Variants in SYNE1 observed in about 807,000 individuals in gnomAD.
SYNE1 encodes spectrin repeat containing nuclear envelope protein 1.
A neutral mutation model predicts 1,111.0 loss-of-function variants in SYNE1; 616 were observed. The ratio of observed to expected loss-of-function variants is 0.55; its 90% confidence interval spans 0.52 to 0.59. SYNE1 has a LOEUF of 0.59. SYNE1 is among the 20% of genes least tolerant of loss of function. SYNE1 has a pLI of 0.00. For missense variants in SYNE1, 10,006 were observed against 10,417.0 expected (o/e 0.96, Z 1.72); for synonymous variants, 3,855 against 3,825.8 (o/e 1.01, Z -0.28).
intron 10 of SYNE1, among the ~76,000 whole-genome samples, chr6:152,499,074 T>A (rs1234107916): frequency 1.3e-5 from 2 of 152,094 alleles, no homozygotes; most frequent in African/African-American, 4.8e-5. Context: ...ACATTAAATA[T>A]TTTAGAAGGT....
intron 73 of SYNE1, 88 bp downstream of exon 73, chr6:152,346,971 G>T: frequency 6.7e-7 from 1 of 1,484,036 alleles, no homozygotes; most frequent in Non-Finnish European, 9.2e-7. Flanking sequence ...AAAGATTTGA[G>T]CATCGATTCT....
chr6:152,166,749 T>C (rs1368335035), intron 130 of SYNE1, among the ~76,000 whole-genome samples: 1 of 152,218 alleles, frequency 6.6e-6, no homozygotes, highest in Non-Finnish European at 1.5e-5. Flanking sequence ...GCAGTTCTTT[T>C]TCATTTTTTT....
At chr6:152,488,372 T>C in intron 12 of SYNE1, 24 bp downstream of exon 12, 1 of 1,358,514 alleles carries the variant, frequency 7.4e-7, no homozygotes, top group Non-Finnish European at 1.0e-6. Flanking sequence ...TTTGAAAAAT[T>C]CAAAAATCTT....
chr6:152,614,317 G>A (rs918617923), intron 3 of SYNE1, among the ~76,000 whole-genome samples: 2 of 152,164 alleles, frequency 1.3e-5, no homozygotes, highest in African/African-American at 4.8e-5. Context: ...CAAAAAGTGG[G>A]CAAAGGATAT....
At chr6:152,127,497 G>C (rs548594282) in intron 145 of SYNE1, 1 of 152,200 alleles carries the variant, frequency 6.6e-6, no homozygotes, top group African/African-American at 2.4e-5. Flanking sequence ...ATACCCTTAG[G>C]GGTTGGCTGG....
At chr6:152,469,258 C>T (rs531412943) in intron 16 of SYNE1, among the ~76,000 whole-genome samples, 2 of 152,242 alleles carry the variant, frequency 1.3e-5, no homozygotes, top group East Asian at 3.9e-4. Flanking sequence ...GAGGTGTTAA[C>T]ATAGAATAAA....
intron 3 of SYNE1, among the ~76,000 whole-genome samples, chr6:152,612,549 C>T (rs1218053055): frequency 6.6e-6 from 1 of 152,148 alleles, no homozygotes. Flanking sequence ...AATGGATTCG[C>T]AGCTGAATTC....
chr6:152,440,529 A>T (rs950301421), intron 32 of SYNE1, among the ~76,000 whole-genome samples: 1 of 149,496 alleles, frequency 6.7e-6, no homozygotes, highest in Non-Finnish European at 1.5e-5. Flanking sequence ...AGTTTTACTG[A>T]CCTTTAAGGT....
At chr6:152,199,391 G>T (rs2074931527) in intron 127 of SYNE1, among the ~76,000 whole-genome samples, 1 of 152,098 alleles carries the variant, frequency 6.6e-6, no homozygotes, top group African/African-American at 2.4e-5. Context: ...TAATGTAATA[G>T]CTGAGAAGAT....
At position 152,255,623 on chromosome 6, in the gene SYNE1, C is replaced by T. The variant is rs143554730; in HGVS notation, c.19228G>A (p.Glu6410Lys). 5.3e-5 allele frequency: 85 copies of T among 1,614,082 alleles called. No individual in the cohort carries two copies. The highest frequency in any genetic ancestry group is 6.9e-5 in the Non-Finnish European group (81 of 1,180,054). The change falls in exon 103 of 146, where the codon GAA (glutamate) becomes AAA (lysine). Residue 6410 changes from glutamate to lysine, a missense_variant. Around this residue, in one of 7 missense-constraint regions of SYNE1, gnomAD observed 2,182 missense variants for 2,287.8 expected, o/e 0.95. Transcript: ENST00000367255. ...RLFVATALLP[E>K]ETETCLFNQE... is the part of the protein sequence containing the mutation. ...TTGAAGAGACAAGTCTCTGTTTCTT[C>T]TGGTAAAAGTGCTGTGGCAACAAAT... is the stretch of plus-strand genomic sequence containing the variant.
chr6:152,595,046 TCTC>T (rs1171048258), intron 3 of SYNE1, among the ~76,000 whole-genome samples: 1 of 152,180 alleles, frequency 6.6e-6, no homozygotes, highest in Non-Finnish European at 1.5e-5. Flanking sequence ...GCCATCCTCT[TCTC>T]CTGTTTTTGG....
At chr6:152,458,345 G>T (rs931343729) in intron 22 of SYNE1, among the ~76,000 whole-genome samples, 3 of 152,134 alleles carry the variant, frequency 2.0e-5, no homozygotes, top group Admixed American at 2.0e-4. Flanking sequence ...CTGTAGTTGG[G>T]GCTCAGGATG....
chr6:152,438,331 G>GA (rs1336316538), intron 32 of SYNE1, among the ~76,000 whole-genome samples: 1 of 152,090 alleles, frequency 6.6e-6, no homozygotes, highest in Non-Finnish European at 1.5e-5. Flanking sequence ...GAAAAACATG[G>GA]AAAAAGTAAT....
At chr6:152,363,098 G>T (rs1167433673) in intron 63 of SYNE1, among the ~76,000 whole-genome samples, 1 of 151,314 alleles carries the variant, frequency 6.6e-6, no homozygotes, top group African/African-American at 2.4e-5. Flanking sequence ...AGCCAGGATG[G>T]TCTTGATCTC....
In SYNE1 at chr6:152,256,577, A is replaced by G. The variant is rs1432310573; in HGVS notation, c.19104+57T>C. ...TCTCACAGAGGCCAGGCAAATCAATACAAGCAAAACAAGACTCTTATAAAC... is the reference window on the plus strand; with the variant it reads ...TCTCACAGAGGCCAGGCAAATCAATGCAAGCAAAACAAGACTCTTATAAAC... On this transcript the variant is annotated intron_variant, in intron 102 of 145. Transcript: ENST00000367255. 3.7e-6 allele frequency: 6 copies of G among 1,608,942 alleles called. No individual in the cohort carries two copies. In the African/African-American group the frequency reaches 6.7e-5, roughly 18 times the overall value.
At chr6:152,210,112 T>A (rs747180016) in intron 124 of SYNE1, among the ~76,000 whole-genome samples, 2 of 152,224 alleles carry the variant, frequency 1.3e-5, no homozygotes, top group African/African-American at 2.4e-5. Flanking sequence ...ACGTAACTCA[T>A]AAATTAACTT....
chr6:152,470,392 C>T (rs567741919), intron 16 of SYNE1, among the ~76,000 whole-genome samples: 3 of 152,166 alleles, frequency 2.0e-5, no homozygotes, highest in South Asian at 4.1e-4. Flanking sequence ...AATATACATG[C>T]ATATTTGTAT....
chr6:152,255,199 A>G, intron 103 of SYNE1, 110 bp from the exon 104 acceptor site: 3 of 971,340 alleles, frequency 3.1e-6, no homozygotes, highest in Non-Finnish European at 4.7e-6. Context: ...GCTTAGTAAT[A>G]ATCAGACCTA....
chr6:152,266,721 C>T (rs971753454), intron 100 of SYNE1, among the ~76,000 whole-genome samples: 1 of 152,046 alleles, frequency 6.6e-6, no homozygotes, highest in Admixed American at 6.6e-5. Context: ...TTCTTGAATG[C>T]CTTCCTATTT....
Sources: allele counts gnomAD v4.1 joint callset (sites outside exome capture counted in the v4.1 genomes callset), GRCh38; gene constraint gnomAD v4.1.1; regional missense constraint gnomAD v4.1.1; transcripts MANE v1.5; gene names NCBI Gene and HGNC (gene_info 2026-07-23, HGNC 2026-07-21).